KCNMA1: variants seen among roughly 807,000 people sequenced by gnomAD.
The protein encoded by KCNMA1 is potassium calcium-activated channel subfamily M alpha 1.
KCNMA1 carries 29 observed loss-of-function variants against 140.0 expected under a neutral mutation model. The ratio of observed to expected loss-of-function variants is 0.21; its 90% CI spans 0.15 to 0.28. KCNMA1 has a LOEUF of 0.28. KCNMA1 is among the 10% of genes least tolerant of loss of function. The pLI is 1.00. For missense variants in KCNMA1, 880 were observed against 1,602.2 expected (o/e 0.55, Z 7.70); for synonymous variants, 612 against 611.9 (o/e 1.00, Z 0.00).
chr10:77,273,070 T>C (rs2065620786), intron 2 of KCNMA1, among the ~76,000 whole-genome samples: 1 of 152,224 alleles, frequency 6.6e-6, no homozygotes, highest in Admixed American at 6.5e-5. Context: ...TCATCTACCC[T>C]TTTCTCTGAT....
intron 1 of KCNMA1, among the ~76,000 whole-genome samples, chr10:77,556,539 CCCT>C (rs1159214658): frequency 6.8e-6 from 1 of 146,842 alleles, no homozygotes; most frequent in Non-Finnish European, 1.5e-5. Flanking sequence ...GAATTCTATG[CCCT>C]GTAAAGTGCA....
At chr10:77,362,027 C>T (rs1013018558) in intron 2 of KCNMA1, among the ~76,000 whole-genome samples, 5 of 152,222 alleles carry the variant, frequency 3.3e-5, no homozygotes, top group Non-Finnish European at 5.9e-5. Context: ...GGGTCTCCCT[C>T]AGTGGCTGCT....
intron 18 of KCNMA1, among the ~76,000 whole-genome samples, chr10:77,006,394 G>A (rs2088653029): frequency 6.6e-6 from 1 of 152,162 alleles, no homozygotes. Context: ...CAAGAAACAT[G>A]GAGCTACTCT....
At chr10:76,912,264 C>T (rs1448955426) in intron 24 of KCNMA1, 1 of 152,180 alleles carries the variant, frequency 6.6e-6, no homozygotes, top group Non-Finnish European at 1.5e-5. Flanking sequence ...GTAACACAGT[C>T]CTTTCTTGTG....
intron 3 of KCNMA1, among the ~76,000 whole-genome samples, chr10:77,193,595 C>T (rs1195190513): frequency 1.3e-5 from 2 of 152,104 alleles, no homozygotes; most frequent in Non-Finnish European, 2.9e-5. Flanking sequence ...GAAAGTTCTT[C>T]GAGGGCAGGG....
chr10:77,172,066 T>C (rs1237981848), intron 5 of KCNMA1, among the ~76,000 whole-genome samples: 1 of 152,210 alleles, frequency 6.6e-6, no homozygotes, highest in East Asian at 1.9e-4. Context: ...GTCGAATCCC[T>C]GAGCTGGTTT....
intron 23 of KCNMA1, among the ~76,000 whole-genome samples, chr10:76,942,893 T>C (rs11001939): frequency 0.093 from 14,164 of 152,064 alleles, 1,401 homozygotes; most frequent in East Asian, 0.62. Flanking sequence ...CTACCAAGGG[T>C]TGGTCACATC....
chr10:77,160,798 A>G (rs2098545900), intron 5 of KCNMA1, among the ~76,000 whole-genome samples: 1 of 152,238 alleles, frequency 6.6e-6, no homozygotes, highest in African/African-American at 2.4e-5. Context: ...GGCAACCCTA[A>G]TAGGCCCTGG....
At chr10:77,067,964 G>A (rs956851780) in intron 14 of KCNMA1, among the ~76,000 whole-genome samples, 16 of 152,326 alleles carry the variant, frequency 1.1e-4, no homozygotes, top group African/African-American at 3.8e-4. Context: ...ACTATAGAAA[G>A]CTAAGATTTG....
intron 25 of KCNMA1, among the ~76,000 whole-genome samples, chr10:76,895,888 A>G (rs961779482): frequency 6.6e-6 from 1 of 152,186 alleles, no homozygotes; most frequent in African/African-American, 2.4e-5. Flanking sequence ...GAGGGAGTGT[A>G]TGAATAGGGT....
chr10:77,577,352 C>T (rs534810666), intron 1 of KCNMA1, among the ~76,000 whole-genome samples: 124 of 152,168 alleles, frequency 8.1e-4, no homozygotes, highest in African/African-American at 2.7e-3. Flanking sequence ...CCGGCTCACA[C>T]TCTCTTAACT....
chr10:77,006,695 A>C (rs1565496911), intron 18 of KCNMA1, among the ~76,000 whole-genome samples: 1 of 152,330 alleles, frequency 6.6e-6, no homozygotes, highest in East Asian at 1.9e-4. Context: ...TAATGACTGT[A>C]TTGTGGCTGA....
intron 1 of KCNMA1, among the ~76,000 whole-genome samples, chr10:77,481,902 A>G (rs77692292): frequency 6.6e-6 from 1 of 152,246 alleles, no homozygotes; most frequent in Admixed American, 6.5e-5. Context: ...GGTAAGAAGA[A>G]TAAAGACCAG....
chr10:77,039,223 C>T (rs1750005448), intron 15 of KCNMA1: 1 of 456,106 alleles, frequency 2.2e-6, no homozygotes, highest in South Asian at 2.4e-5. Flanking sequence ...TTATGCCACT[C>T]TTCATAAATG....
At chr10:76,952,104 A>G (rs532958084) in intron 21 of KCNMA1, 26 of 1,552,240 alleles carry the variant, frequency 1.7e-5, no homozygotes, top group Non-Finnish European at 2.0e-5. Flanking sequence ...TACTACACCA[A>G]TATCCAGGCA....
At chr10:77,562,695 A>C (rs2619641) in intron 1 of KCNMA1, among the ~76,000 whole-genome samples, 110,200 of 152,072 alleles carry the variant, frequency 0.72, 40,430 homozygotes, top group South Asian at 0.86. Context: ...ATTTGGGGTA[A>C]TAACCTGCAC....
chr10:77,217,065 G>A (rs933325591), intron 3 of KCNMA1, among the ~76,000 whole-genome samples: 6 of 152,138 alleles, frequency 3.9e-5, no homozygotes, highest in African/African-American at 1.4e-4. Context: ...AGCACTTTGG[G>A]AGGCTGAGGC....
intron 1 of KCNMA1, among the ~76,000 whole-genome samples, chr10:77,458,711 G>A (rs892602730): frequency 6.6e-6 from 1 of 152,196 alleles, no homozygotes; most frequent in African/African-American, 2.4e-5. Context: ...TTTGTTAATG[G>A]TCAGGACACT....
intron 2 of KCNMA1, among the ~76,000 whole-genome samples, chr10:77,351,044 A>T (rs1448963883): frequency 3.3e-5 from 5 of 152,248 alleles, no homozygotes; most frequent in Non-Finnish European, 1.5e-5. Flanking sequence ...CTGAAAGATC[A>T]AAGAAAAAAG....
Sources: gnomAD v4.1 joint callset for allele counts (sites outside exome capture counted in the v4.1 genomes callset) on GRCh38, gnomAD v4.1.1 for gene constraint, MANE v1.5 for transcripts, NCBI Gene and HGNC (gene_info 2026-07-23, HGNC 2026-07-21) for gene names.